Variants in PACS1 observed in about 807,000 individuals in gnomAD.
The protein encoded by PACS1 is phosphofurin acidic cluster sorting protein 1, also known as PACS-1.
In PACS1, 24 loss-of-function variants were observed where a neutral mutation model predicts 115.0. The observed-to-expected ratio is 0.21, with a 90% CI of 0.15 to 0.29. The LOEUF is 0.29. Among genes scored for constraint, PACS1 ranks in the 10% least tolerant of loss-of-function variants. The probability of loss-of-function intolerance (pLI) is 1.00; values close to 1 mark genes in which losing one functional copy is unlikely to be tolerated. For missense variants in PACS1, 838 were observed against 1,251.2 expected (o/e 0.67, Z 4.98); for synonymous variants, 453 against 504.5 (o/e 0.90, Z 1.37).
chr11:66,075,012 G>A (rs1303270191), intron 1 of PACS1, among the ~76,000 whole-genome samples: 1 of 128,326 alleles, frequency 7.8e-6, no homozygotes, highest in Non-Finnish European at 1.5e-5. Context: ...GTGCAATCTC[G>A]GCTCACTGCA....
At chr11:66,154,911 G>T (rs933219014) in intron 1 of PACS1, among the ~76,000 whole-genome samples, 1 of 152,154 alleles carries the variant, frequency 6.6e-6, no homozygotes, top group Non-Finnish European at 1.5e-5. Context: ...CTACAGCACC[G>T]CAAGGCTGTG....
chr11:66,079,930 C>G (rs1309344627), intron 1 of PACS1, among the ~76,000 whole-genome samples: 2 of 152,176 alleles, frequency 1.3e-5, no homozygotes, highest in African/African-American at 4.8e-5. Context: ...CCTGTGATAC[C>G]CTTTCCCTGG....
intron 1 of PACS1, among the ~76,000 whole-genome samples, chr11:66,182,968 A>G (rs1860042016): frequency 1.3e-5 from 2 of 152,084 alleles, no homozygotes; most frequent in South Asian, 4.1e-4. Flanking sequence ...CGTCTCTACT[A>G]AAAATACAAA....
At chr11:66,152,050 T>C (rs779132334) in intron 1 of PACS1, among the ~76,000 whole-genome samples, 1 of 151,894 alleles carries the variant, frequency 6.6e-6, no homozygotes, top group African/African-American at 2.4e-5. Context: ...CCGGGCAACA[T>C]AGTGAGACCC....
intron 2 of PACS1, among the ~76,000 whole-genome samples, chr11:66,207,926 G>A (rs1333722736): frequency 6.6e-6 from 1 of 152,036 alleles, no homozygotes; most frequent in Admixed American, 6.6e-5. Flanking sequence ...ACGCCACTAT[G>A]CCTGGCTAAT....
intron 1 of PACS1, among the ~76,000 whole-genome samples, chr11:66,071,837 C>A (rs1455780499): frequency 4.6e-5 from 7 of 152,144 alleles, no homozygotes; most frequent in Non-Finnish European, 1.0e-4. Flanking sequence ...TGGGCTCCCC[C>A]CTCGACTGTC....
At chr11:66,078,955 T>C (rs1373657958) in intron 1 of PACS1, among the ~76,000 whole-genome samples, 5 of 152,232 alleles carry the variant, frequency 3.3e-5, no homozygotes, top group Non-Finnish European at 7.3e-5. Flanking sequence ...TTGCCCAGGC[T>C]GGAGTGCAGT....
intron 1 of PACS1, among the ~76,000 whole-genome samples, chr11:66,076,613 G>A (rs1417835761): frequency 1.3e-5 from 2 of 152,202 alleles, no homozygotes; most frequent in African/African-American, 2.4e-5. Context: ...GGCTGGTTTC[G>A]AACTTCTGAC....
At chr11:66,208,090 C>A (rs1854984153) in intron 2 of PACS1, among the ~76,000 whole-genome samples, 1 of 152,112 alleles carries the variant, frequency 6.6e-6, no homozygotes, top group African/African-American at 2.4e-5. Context: ...ACCCAGCCTT[C>A]CCCCTATGGC....
At chr11:66,150,614 C>T (rs1427092746) in intron 1 of PACS1, among the ~76,000 whole-genome samples, 1 of 152,100 alleles carries the variant, frequency 6.6e-6, no homozygotes, top group Non-Finnish European at 1.5e-5. Flanking sequence ...TACTTGAAAA[C>T]GTGTTACTTT....
At chr11:66,234,278 CG>C in intron 17 of PACS1, 36 bp downstream of exon 17, 1 of 1,450,584 alleles carries the variant, frequency 6.9e-7, no homozygotes, top group Non-Finnish European at 9.7e-7. Flanking sequence ...CTCCCACCCC[CG>C]GGGTCCACAG....
chr11:66,238,215 G>T, intron 19 of PACS1: 2 of 985,334 alleles, frequency 2.0e-6, no homozygotes, highest in Non-Finnish European at 1.2e-6. Flanking sequence ...GACCAGAGAG[G>T]AGAAGGCTGG....
intron 2 of PACS1, among the ~76,000 whole-genome samples, chr11:66,194,306 T>A (rs1313179266): frequency 6.6e-6 from 1 of 152,294 alleles, no homozygotes; most frequent in East Asian, 1.9e-4. Context: ...AACTTACAGA[T>A]TGTTATTTCA....
At chr11:66,159,518 G>A (rs148126501) in intron 1 of PACS1, among the ~76,000 whole-genome samples, 40 of 152,262 alleles carry the variant, frequency 2.6e-4, no homozygotes, top group African/African-American at 9.1e-4. Flanking sequence ...CCTCCATAGG[G>A]GTGTGCCAGT....
At chr11:66,089,207 C>A (rs72934624) in intron 1 of PACS1, among the ~76,000 whole-genome samples, 4,009 of 152,242 alleles carry the variant, frequency 0.026, 76 homozygotes, top group South Asian at 0.067. Context: ...ATTTTTCCCA[C>A]CACTGAATGT....
intron 2 of PACS1, among the ~76,000 whole-genome samples, chr11:66,208,682 A>AG (rs796967687): frequency 1.7e-5 from 2 of 118,016 alleles, no homozygotes; most frequent in African/African-American, 3.5e-5. Flanking sequence ...AAGAAGAAGA[A>AG]AAAGAAAGAA....
rs1397514640 is a variant in PACS1 at position 66,216,793 on chromosome 11, GGGGAGT to G, written c.978+21_978+26del. On this transcript the variant is annotated intron_variant, in intron 7 of 23. Transcript: ENST00000320580. Reference sequence around the variant, plus strand: ...TCACAAGGGTGAGCCTCAAAGGTCTGGGGAGTGGTTGGCTAAGATTTTCAGTCTGGG... The same window carrying G: ...TCACAAGGGTGAGCCTCAAAGGTCTGGGTTGGCTAAGATTTTCAGTCTGGG... 1.2e-6 allele frequency: 2 copies of G among 1,603,668 alleles called. No homozygotes were observed. The highest frequency in any genetic ancestry group is 4.5e-5 in the East Asian group (2 of 44,814).
At chr11:66,165,173 C>T (rs780478313) in intron 1 of PACS1, among the ~76,000 whole-genome samples, 30 of 152,188 alleles carry the variant, frequency 2.0e-4, no homozygotes, top group Admixed American at 9.2e-4. Flanking sequence ...CTGCCAGATC[C>T]GGTGATGAGT....
At chr11:66,110,839 C>T (rs1407364793) in intron 1 of PACS1, among the ~76,000 whole-genome samples, 1 of 152,080 alleles carries the variant, frequency 6.6e-6, no homozygotes, top group Non-Finnish European at 1.5e-5. Context: ...AAGGTGCTGG[C>T]GTTACAGGCA....
Sources: gnomAD v4.1 joint callset for allele counts (sites outside exome capture counted in the v4.1 genomes callset) on GRCh38, gnomAD v4.1.1 for gene constraint, MANE v1.5 for transcripts, NCBI Gene and HGNC (gene_info 2026-07-23, HGNC 2026-07-21) for gene names.